ZNF484: variants seen among roughly 807,000 people sequenced by gnomAD.
The protein encoded by ZNF484 is KRAB box containing C2H2 type zinc finger bA526D8.4.
ZNF484 carries 11 observed loss-of-function variants against 12.9 expected under a neutral mutation model. The ratio of observed to expected loss-of-function variants is 0.85; its 90% CI spans 0.54 to 1.41. ZNF484 has a LOEUF of 1.41. ZNF484 is among the 40% of genes most tolerant of loss of function. The pLI, the probability that ZNF484 is intolerant of heterozygous loss-of-function variation, is 0.00. For missense variants in ZNF484, 807 were observed against 1,007.7 expected (o/e 0.80, Z 2.70); for synonymous variants, 289 against 334.1 (o/e 0.86, Z 1.47).
At position 92,877,636 on chromosome 9, in the gene ZNF484, C is replaced by T. The variant is rs184547239; in HGVS notation, c.-31+254G>A. Among the ~76,000 whole-genome samples, 8 of 152,224 alleles carry T rather than the reference C, an allele frequency of 5.3e-5. No individual in the cohort carries two copies. In the East Asian group the frequency reaches 1.5e-3, roughly 29 times the overall value. ...CCCATAGTCATCCTCCCCCACAACC[C>T]CACAGTCCGCCCTCACTCCGCCCTC... On this transcript the variant is annotated intron_variant, in intron 1 of 4. Transcript: ENST00000375495.
At chr9:92,862,138 A>G (rs1587750990) in intron 2 of ZNF484, 1 of 974,454 alleles carries the variant, frequency 1.0e-6, no homozygotes, top group South Asian at 4.7e-5. Context: ...CTGAGGAATT[A>G]CCTGCCATTG....
chr9:92,871,653 T>C (rs1857440783), intron 2 of ZNF484, among the ~76,000 whole-genome samples: 1 of 151,872 alleles, frequency 6.6e-6, no homozygotes, highest in Admixed American at 6.6e-5. Context: ...TTGTGAAAAA[T>C]ACAGACAAAG....
chr9:92,870,150 G>A (rs1257431297), intron 2 of ZNF484, among the ~76,000 whole-genome samples: 1 of 152,112 alleles, frequency 6.6e-6, no homozygotes, highest in Admixed American at 6.6e-5. Context: ...AAGAAAAATA[G>A]GCACCCTGGC....
chr9:92,848,619 G>A lies in ZNF484; in HGVS notation c.236-68C>T, dbSNP rs1855859915. The A allele has an allele frequency of 7.1e-7, 1 of 1,417,236 alleles. No homozygotes were observed. Among genetic ancestry groups the A allele is most frequent in the African/African-American group, 1.4e-5 (1 of 69,376 alleles). 87.8% of individuals were successfully genotyped at this position (1,417,236 alleles called of 1,614,324 possible). ...AACAGAAAATAAGGCCAGGTGCGGT[G>A]GCTCATGCCTGTAATCCTAGCACTT... On this transcript the variant is annotated intron_variant, in intron 4 of 4. Transcript: ENST00000375495. This position sits in a 1 kb window ranked among gnomAD's most constrained non-coding sequence, Gnocchi z 4.1.
At chr9:92,862,185 AAG>A in intron 2 of ZNF484, 4 of 951,294 alleles carry the variant, frequency 4.2e-6, no homozygotes, top group Non-Finnish European at 5.0e-6. Context: ...AAAATAAAAA[AAG>A]AATTAACTGC....
intron 2 of ZNF484, among the ~76,000 whole-genome samples, chr9:92,870,628 C>T (rs1587767064): frequency 6.6e-6 from 1 of 152,236 alleles, no homozygotes; most frequent in African/African-American, 2.4e-5. Context: ...TCCTACCTAG[C>T]AGTAATGCGA....
In ZNF484 at chr9:92,875,445, GC is replaced by G. The variant is rs772584676; in HGVS notation, c.-30-387del. ...CAATCTGCTCTAAGTGTCAATTGGT[GC>G]CCAGAGACTACTCCCAGAAGCCATT... On this transcript the variant is annotated intron_variant, in intron 1 of 4. Transcript: ENST00000375495. Among the ~76,000 whole-genome samples the G allele has an allele frequency of 2.1e-4, 32 of 152,178 alleles. 1 individual carries two copies. In the East Asian group the frequency reaches 2.7e-3, roughly 13 times the overall value.
intron 4 of ZNF484, among the ~76,000 whole-genome samples, chr9:92,855,195 G>T (rs1856361194): frequency 6.6e-6 from 1 of 152,136 alleles, no homozygotes; most frequent in Non-Finnish European, 1.5e-5. Flanking sequence ...CTTTGTGTAA[G>T]ATATGAAAAT....
Position 92,862,112 on chromosome 9 carries a change from T to C in ZNF484, c.16-5794A>G, listed in dbSNP as rs538245040. Reference sequence around the variant, plus strand: ...AAAATAAAATAGGCTCTGTTTAAATTCTCTTAAACTTAATTCTGAGGAATT... The same window carrying C: ...AAAATAAAATAGGCTCTGTTTAAATCCTCTTAAACTTAATTCTGAGGAATT... On this transcript the variant is annotated intron_variant, in intron 2 of 4. Coordinates refer to ENST00000375495, the MANE Select transcript of ZNF484 (RefSeq NM_031486.4). 245 of 958,554 alleles carry C rather than the reference T, an allele frequency of 2.6e-4. No individual in the cohort carries two copies. The African/African-American group carries it at 4.1e-3, about 16-fold the overall frequency. 59.4% of individuals were successfully genotyped at this position (958,554 alleles called of 1,614,324 possible).
chr9:92,851,330 T>A (rs1478543199), intron 4 of ZNF484, among the ~76,000 whole-genome samples: 2 of 152,248 alleles, frequency 1.3e-5, no homozygotes, highest in East Asian at 3.8e-4. Context: ...TTTACATTTT[T>A]AAATGGTCAA....
At position 92,844,280 on chromosome 9, in the gene ZNF484, A is replaced by G. The variant is rs908962719; in HGVS notation, c.*1948T>C. ...GCAAAATTCAAGAAAAATAACCATT[A>G]GAAAACAGGCCAACAGAACTGGGTA... On this transcript the variant is annotated 3_prime_UTR_variant, in exon 5 of 5. Coordinates refer to ENST00000375495, the MANE Select transcript of ZNF484 (RefSeq NM_031486.4). Among the ~76,000 whole-genome samples the G allele has an allele frequency of 2.0e-5, 3 of 152,206 alleles. No homozygotes were observed. Among genetic ancestry groups the G allele is most frequent in the African/African-American group, 7.2e-5 (3 of 41,446 alleles).
chr9:92,863,187 G>A (rs1158540715), intron 2 of ZNF484, among the ~76,000 whole-genome samples: 1 of 148,970 alleles, frequency 6.7e-6, no homozygotes, highest in African/African-American at 2.5e-5. Context: ...AACGCTACAT[G>A]TTCTTACTTA....
rs753179634 is a variant in ZNF484 at position 92,847,230 on chromosome 9, A to T, written c.1557T>A (p.Thr519=). ...CGCTGCATTTATAAGGTTTCTCTCC[A>T]GTATGAATTTTTTGGTGCTTAATGA... ...SNLIKHQKIH[T]GEKPYKCSDC... Residue 519 remains threonine, a synonymous_variant, in exon 5 of 5, where the codon ACT becomes ACA. Coordinates refer to ENST00000375495, the MANE Select transcript of ZNF484 (RefSeq NM_031486.4). 22 of 1,614,154 alleles carry T rather than the reference A, an allele frequency of 1.4e-5. No individual in the cohort carries two copies. The highest frequency in any genetic ancestry group is 6.7e-5 in the Admixed American group (4 of 60,026).
intron 2 of ZNF484, among the ~76,000 whole-genome samples, chr9:92,867,536 G>A (rs772193581): frequency 7.2e-5 from 11 of 152,034 alleles, no homozygotes; most frequent in Non-Finnish European, 1.6e-4. Context: ...CTAGATGACA[G>A]GTTGATAGAT....
chr9:92,846,632 G>T lies in ZNF484; in HGVS notation c.2155C>A (p.Pro719Thr). The T allele has an allele frequency of 6.2e-7, 1 of 1,613,784 alleles. No homozygotes were observed. Among genetic ancestry groups the T allele is most frequent in the Non-Finnish European group, 8.5e-7 (1 of 1,179,986 alleles). Reference protein sequence around the residue: ...MHQRIHTGEKPYICNECGKSF... With the variant: ...MHQRIHTGEKTYICNECGKSF... ...TTCCCACATTCATTACAAATATAGGGTTTCTCTCCTGTATGAATTCTCTGA... is the reference window on the plus strand; with the variant it reads ...TTCCCACATTCATTACAAATATAGGTTTTCTCTCCTGTATGAATTCTCTGA... The change falls in exon 5 of 5, where the codon CCC becomes ACC. Residue 719 changes from proline (P) to threonine (T), a missense_variant. Pro to Thr is a conservative substitution (Grantham distance 38). Transcript: ENST00000375495.
Position 92,847,523 on chromosome 9 carries a change from T to C in ZNF484, c.1264A>G (p.Ile422Val), listed in dbSNP as rs761030688. Residue 422 changes from isoleucine (I) to valine (V), a missense_variant, in exon 5 of 5, where the codon ATC (isoleucine) becomes GTC (valine). Physicochemically the swap from Ile to Val is conservative, Grantham distance 29 (BLOSUM62 3). Transcript: ENST00000375495. The stretch of plus-strand genomic sequence containing the variant: ...TGTGTGATAAAATGTGACTTCCGGA[T>C]AAAGGCCTTCCCACATTCAGTACAT... ...YVCTECGKAFIRKSHFITHER... is the reference protein window; with the variant it reads ...YVCTECGKAFVRKSHFITHER... 1.9e-6 allele frequency: 3 copies of C among 1,613,476 alleles called. No homozygotes were observed. The highest frequency in any genetic ancestry group is 2.5e-6 in the Non-Finnish European group (3 of 1,179,826).
Position 92,846,464 on chromosome 9 carries a change from G to A in ZNF484, c.2323C>T (p.Pro775Ser), listed in dbSNP as rs1283472742. 6.2e-7 allele frequency: 1 copy of A among 1,613,916 alleles called. No homozygotes were observed. The change falls in exon 5 of 5, where the codon CCA becomes TCA. Residue 775 changes from proline (P) to serine (S), a missense_variant. Coordinates refer to ENST00000375495, the MANE Select transcript of ZNF484 (RefSeq NM_031486.4). Reference protein sequence around the residue: ...EHHRIHTGEKPYICAECGKAF... With the variant: ...EHHRIHTGEKSYICAECGKAF... ...TTTCCACACTCAGCACATATATATG[G>A]TTTCTCTCCTGTGTGAATTCGATGA...
In ZNF484 at chr9:92,847,025, C is replaced by T. The variant is rs1855667462; in HGVS notation, c.1762G>A (p.Ala588Thr). The T allele has an allele frequency of 1.2e-6, 2 of 1,613,800 alleles. No homozygotes were observed. Among genetic ancestry groups the T allele is most frequent in the African/African-American group, 2.7e-5 (2 of 74,818 alleles). ...ATAAAATGGGATTTGTGGAAGAAGG[C>T]CTTACCACATTCAGTGCAAACATAT... Reference protein sequence around the residue: ...KPYVCTECGKAFFHKSHFITH... With the variant: ...KPYVCTECGKTFFHKSHFITH... The change falls in exon 5 of 5, where the codon GCC (alanine) becomes ACC (threonine). Residue 588 changes from alanine to threonine, a missense_variant. By Grantham distance (58) the Ala-to-Thr change is moderately conservative. Coordinates refer to ENST00000375495, the MANE Select transcript of ZNF484 (RefSeq NM_031486.4).
chr9:92,868,715 C>T lies in ZNF484; in HGVS notation c.15+6300G>A, dbSNP rs368716681. ...GAGAGAGCGAATGGGAGGTAGCAAG[C>T]TCTTCTCAACAACCAACTCTCACGG... On this transcript the variant is annotated intron_variant, in intron 2 of 4. Coordinates refer to ENST00000375495, the MANE Select transcript of ZNF484 (RefSeq NM_031486.4). Among the ~76,000 whole-genome samples, 34 of 152,012 alleles carry T rather than the reference C, an allele frequency of 2.2e-4. 1 individual carries two copies. Among genetic ancestry groups the T allele is most frequent in the African/African-American group, 7.7e-4 (32 of 41,398 alleles).
Sources: gnomAD v4.1 joint callset for allele counts (sites outside exome capture counted in the v4.1 genomes callset) on GRCh38, gnomAD v4.1.1 for gene constraint, Gnocchi (gnomAD v3.1) non-coding constraint, MANE v1.5 for transcripts, NCBI Gene and HGNC (gene_info 2026-07-23, HGNC 2026-07-21) for gene names.